The following SF3B3 variants were observed in gnomAD, a reference collection of about 807,000 sequenced individuals.
SF3B3 encodes the protein SAP 130.
Under a neutral mutation model 139.2 loss-of-function variants are expected in SF3B3, and 33 were observed. That is an observed-to-expected ratio of 0.24 (90% CI 0.18 to 0.32). The LOEUF (loss-of-function observed/expected upper bound fraction) is 0.32, where lower values mean the gene tolerates loss of function less well. SF3B3 is among the 10% of genes least tolerant of loss of function. The pLI is 1.00. For synonymous variants in SF3B3, 596 were observed against 563.6 expected, an observed-to-expected ratio of 1.06 and a Z score of -0.81; for missense variants, 818 against 1,509.4, an observed-to-expected ratio of 0.54 and a Z score of 7.59.
At chr16:70,527,461 G>A (rs1485571977) in intron 2 of SF3B3, among the ~76,000 whole-genome samples, 2 of 152,186 alleles carry the variant, frequency 1.3e-5, no homozygotes, top group Admixed American at 6.5e-5. Flanking sequence ...GTTTAACTCT[G>A]AATACTTAAT....
At chr16:70,569,229 T>C in intron 23 of SF3B3, 88 bp downstream of exon 23, 2 of 889,224 alleles carry the variant, frequency 2.2e-6, no homozygotes, top group Non-Finnish European at 3.6e-6. Flanking sequence ...GGTGAATTAT[T>C]CATAGTGCAC....
At chr16:70,550,663 G>C in intron 11 of SF3B3, 1 of 985,718 alleles carries the variant, frequency 1.0e-6, no homozygotes, top group Non-Finnish European at 1.2e-6. Context: ...GCTGGTGAAG[G>C]TGCTGATCAC....
At chr16:70,536,606 G>A (rs1337195334) in intron 6 of SF3B3, among the ~76,000 whole-genome samples, 1 of 151,180 alleles carries the variant, frequency 6.6e-6, no homozygotes, top group Non-Finnish European at 1.5e-5. Context: ...TGATCTGCCC[G>A]CCTCGGCCTC....
intron 10 of SF3B3, among the ~76,000 whole-genome samples, chr16:70,547,755 G>C (rs2050282689): frequency 6.6e-6 from 1 of 152,152 alleles, no homozygotes; most frequent in South Asian, 2.1e-4. Flanking sequence ...ATCATGCCTG[G>C]CTAATTTTTA....
rs137867751 is a variant in SF3B3 at position 70,563,263 on chromosome 16, C to T, written c.2289-613C>T. 4.9e-3 allele frequency among the ~76,000 whole-genome samples: 740 copies of T among 152,324 alleles called. 7 individuals carry two copies. The highest frequency in any genetic ancestry group is 0.017 in the African/African-American group (708 of 41,568). On this transcript the variant is annotated intron_variant, in intron 17 of 25. Coordinates refer to ENST00000302516, the MANE Select transcript of SF3B3 (RefSeq NM_012426.5). ...GAGATTACAGGCGTGAGCCACCACA[C>T]GCAGCCCCTATCTTTTTTAATGTAG...
chr16:70,548,337 ACTGGATCT>A, intron 10 of SF3B3, 25 bp from the exon 11 acceptor site: 1 of 1,589,260 alleles, frequency 6.3e-7, no homozygotes, highest in Non-Finnish European at 8.6e-7. Flanking sequence ...TTGCATGCTC[ACTGGATCT>A]GTGGCTTCCC....
At position 70,539,147 on chromosome 16, in the gene SF3B3, C is replaced by T. The variant is rs1209648712; in HGVS notation, c.1007C>T (p.Ala336Val). 6.2e-7 allele frequency: 1 copy of T among 1,614,098 alleles called. No homozygotes were observed. The highest frequency in any genetic ancestry group is 8.5e-7 in the Non-Finnish European group (1 of 1,179,946). Reference sequence around the variant, plus strand: ...AAATATTTTGATACTGTACCCGTTGCTGCTGCCATGTGTGTGCTTAAAACA... The same window carrying T: ...AAATATTTTGATACTGTACCCGTTGTTGCTGCCATGTGTGTGCTTAAAACA... ...RLKYFDTVPVAAAMCVLKTGF... is the reference protein window; with the variant it reads ...RLKYFDTVPVVAAMCVLKTGF... Residue 336 changes from alanine (A) to valine (V), a missense_variant, in exon 8 of 26, where the codon GCT (alanine) becomes GTT (valine). Ala to Val is a moderately conservative substitution (Grantham distance 64). This residue lies in a region of SF3B3 where 80 missense variants were observed against 206.5 expected (regional missense o/e 0.39). Coordinates refer to ENST00000302516, the MANE Select transcript of SF3B3 (RefSeq NM_012426.5).
At position 70,571,827 on chromosome 16, in the gene SF3B3, G is replaced by T; in HGVS notation, c.*14G>T. On this transcript the variant is annotated 3_prime_UTR_variant, in exon 26 of 26. Coordinates refer to ENST00000302516, the MANE Select transcript of SF3B3 (RefSeq NM_012426.5). ...TACGCCTTCTGAGCCCTCCTTTCCC[G>T]GTGGGGCTTGCCAGAGACTGTGTGT... is the stretch of plus-strand genomic sequence containing the variant. 1 of 1,605,242 alleles carries T rather than the reference G, an allele frequency of 6.2e-7. No homozygotes were observed. Among genetic ancestry groups the T allele is most frequent in the South Asian group, 1.1e-5 (1 of 90,342 alleles).
intron 25 of SF3B3, 32 bp from the exon 26 acceptor site, chr16:70,571,641 T>C: frequency 6.3e-7 from 1 of 1,582,658 alleles, no homozygotes; most frequent in Middle Eastern, 1.7e-4. Flanking sequence ...CATCTCACCA[T>C]TTTTTTTCTT....
intron 8 of SF3B3, among the ~76,000 whole-genome samples, chr16:70,541,260 A>G (rs144782507): frequency 0.012 from 1,780 of 152,268 alleles, 40 homozygotes; most frequent in African/African-American, 0.04. Flanking sequence ...ATGTCTATTC[A>G]AATCCCATTG....
intron 8 of SF3B3, among the ~76,000 whole-genome samples, chr16:70,541,267 A>G (rs2050216991): frequency 1.3e-5 from 2 of 152,088 alleles, no homozygotes; most frequent in African/African-American, 2.4e-5. Flanking sequence ...TTCAAATCCC[A>G]TTGCCCATTT....
intron 2 of SF3B3, among the ~76,000 whole-genome samples, chr16:70,527,175 A>T (rs2050072358): frequency 6.6e-6 from 1 of 152,226 alleles, no homozygotes; most frequent in South Asian, 2.1e-4. Flanking sequence ...AAAAGGGAAA[A>T]TGCAGTTTAG....
intron 15 of SF3B3, among the ~76,000 whole-genome samples, chr16:70,559,524 C>G (rs1281211891): frequency 6.6e-6 from 1 of 151,620 alleles, no homozygotes; most frequent in Non-Finnish European, 1.5e-5. Context: ...TCATTTCCAC[C>G]AAAAATACAA....
intron 14 of SF3B3, 113 bp downstream of exon 14, chr16:70,556,447 A>C: frequency 1.7e-6 from 2 of 1,189,478 alleles, no homozygotes; most frequent in Non-Finnish European, 2.5e-6. Flanking sequence ...CAGCTGGGTT[A>C]GAACCCAGAA....
At chr16:70,561,462 T>C in intron 16 of SF3B3, 168 bp from the exon 17 acceptor site, 1 of 618,466 alleles carries the variant, frequency 1.6e-6, no homozygotes, top group Non-Finnish European at 2.8e-6. Context: ...TGCTAAGCCA[T>C]AGTGCCTCTC....
chr16:70,536,489 C>T (rs968263842), intron 6 of SF3B3, among the ~76,000 whole-genome samples: 5 of 152,076 alleles, frequency 3.3e-5, no homozygotes, highest in South Asian at 4.1e-4. Context: ...CTCAGCCTCT[C>T]GGGTAGCTGG....
intron 16 of SF3B3, 46 bp from the exon 17 acceptor site, chr16:70,561,584 T>C: frequency 6.3e-7 from 1 of 1,586,206 alleles, no homozygotes; most frequent in South Asian, 1.1e-5. Context: ...CATATTTGTA[T>C]TTTTTCCCAA....
chr16:70,554,862 G>C (rs904367113), intron 12 of SF3B3, among the ~76,000 whole-genome samples, 189 bp from the exon 13 acceptor site: 49 of 152,308 alleles, frequency 3.2e-4, no homozygotes, highest in African/African-American at 1.1e-3. Context: ...AGTGGACACT[G>C]CAAAACATGA....
rs748804650 is a variant in SF3B3, at chr16:70,572,978, G to A, written c.*1165G>A. ...CTTCACAAATGTAAAACTTTCTTTC[G>A]TCTGCATGTGCTCAGCCATCTAAAT... On this transcript the variant is annotated 3_prime_UTR_variant, in exon 26 of 26. Coordinates refer to ENST00000302516, the MANE Select transcript of SF3B3 (RefSeq NM_012426.5). 3.9e-5 allele frequency: 6 copies of A among 152,114 alleles called. No homozygotes were observed. The highest frequency in any genetic ancestry group is 6.6e-5 in the Admixed American group (1 of 15,252). 9.4% of individuals were successfully genotyped at this position (152,114 alleles called of 1,614,324 possible). A position where few individuals can be genotyped will look rare whatever the true frequency, so the allele number is the denominator to read the frequency against.
Sources: gnomAD v4.1 joint callset for allele counts (sites outside exome capture counted in the v4.1 genomes callset) on GRCh38, gnomAD v4.1.1 for gene constraint, gnomAD v4.1.1 regional missense constraint, MANE v1.5 for transcripts, NCBI Gene and HGNC (gene_info 2026-07-23, HGNC 2026-07-21) for gene names.